The following ULK1 variants were observed in gnomAD, a reference collection of about 807,000 sequenced individuals.
ULK1 encodes unc-51 like autophagy activating kinase 1.
In ULK1, 48 loss-of-function variants were observed where a neutral mutation model predicts 117.5. That is an observed-to-expected ratio of 0.41 (90% CI 0.32 to 0.52). ULK1 has a LOEUF of 0.52. Ranked by LOEUF, ULK1 falls within the 20% of genes least tolerant of loss-of-function variation. ULK1 has a pLI of 0.29. For synonymous variants in ULK1, 790 were observed against 637.8 expected, an observed-to-expected ratio of 1.24 and a Z score of -3.60; for missense variants, 1,387 against 1,473.4, an observed-to-expected ratio of 0.94 and a Z score of 0.96.
Position 131,922,964 on chromosome 12 carries a change from CT to C in ULK1, c.*1605del, listed in dbSNP as rs941896304. On this transcript the variant is annotated 3_prime_UTR_variant, in exon 28 of 28. Coordinates refer to ENST00000321867, the MANE Select transcript of ULK1 (RefSeq NM_003565.4). ...CTTGCCCGGTGTCCTGGTCCTCTTG[CT>C]TCCGTCGCGGCCGCATGTGCGTGTG... 6.6e-6 allele frequency: 1 copy of C among 152,342 alleles called. No homozygotes were observed. The highest frequency in any genetic ancestry group is 2.4e-5 in the African/African-American group (1 of 41,456). 9.4% of individuals were successfully genotyped at this position (152,342 alleles called of 1,614,324 possible).
chr12:131,922,355 G>GCC lies in ULK1; in HGVS notation c.*996_*997dup, dbSNP rs1890186187. The GCC allele has an allele frequency of 3.6e-6, 1 of 277,684 alleles. No individual in the cohort carries two copies. Among genetic ancestry groups the GCC allele is most frequent in the South Asian group, 3.1e-5 (1 of 32,006 alleles). The allele number at this position is 277,684 out of a possible 1,614,324, so 17.2% of individuals were successfully genotyped here. ...TGTGGCAGCAGCAGGACAGGTGTGT[G>GCC]CCCAGCACCCTCCCTACCTGGGCCT... On this transcript the variant is annotated 3_prime_UTR_variant, in exon 28 of 28. Transcript: ENST00000321867.
intron 3 of ULK1, chr12:131,897,249 T>C (rs1344013640): frequency 1.3e-5 from 2 of 152,222 alleles, no homozygotes; most frequent in Non-Finnish European, 2.9e-5. Context: ...GGTAAGGCAA[T>C]GTTTGAGGCA....
In ULK1 at chr12:131,919,150, A is replaced by G. The variant is rs555960190; in HGVS notation, c.2512-62A>G. 693 of 1,525,792 alleles carry G rather than the reference A, an allele frequency of 4.5e-4. 2 individuals carry two copies. In the African/African-American group the frequency reaches 7.6e-3, roughly 17 times the overall value. 94.5% of individuals were successfully genotyped at this position (1,525,792 alleles called of 1,614,324 possible). ...CCCAAGGCGTCATCGGTGAGTCTGAAGGGAGACAAGCCCCTTCCAAGCCCG... is the reference window on the plus strand; with the variant it reads ...CCCAAGGCGTCATCGGTGAGTCTGAGGGGAGACAAGCCCCTTCCAAGCCCG... On this transcript the variant is annotated intron_variant, in intron 23 of 27. Coordinates refer to ENST00000321867, the MANE Select transcript of ULK1 (RefSeq NM_003565.4).
Position 131,903,349 on chromosome 12 carries a change from A to G in ULK1, c.247-3543A>G, listed in dbSNP as rs2136383784. Among the ~76,000 whole-genome samples the G allele has an allele frequency of 6.6e-6, 1 of 152,320 alleles. No homozygotes were observed. The highest frequency in any genetic ancestry group is 1.9e-4 in the East Asian group (1 of 5,180). Reference sequence around the variant, plus strand: ...CATTGGCACTGGGCAGAGTGAGGACAGGACTCCAGCCCACCTGCTTGGGCT... The same window carrying G: ...CATTGGCACTGGGCAGAGTGAGGACGGGACTCCAGCCCACCTGCTTGGGCT... On this transcript the variant is annotated intron_variant, in intron 3 of 27. Coordinates refer to ENST00000321867, the MANE Select transcript of ULK1 (RefSeq NM_003565.4). The surrounding 1 kb of genome is among the most constrained non-coding windows in gnomAD (Gnocchi z 6.0).
At chr12:131,908,347 C>A (rs1028918031) in intron 5 of ULK1, among the ~76,000 whole-genome samples, 2 of 152,138 alleles carry the variant, frequency 1.3e-5, no homozygotes, top group African/African-American at 2.4e-5. Flanking sequence ...GGAGCGGGAC[C>A]CGGGCGGAAC....
chr12:131,919,574 G>C lies in ULK1; in HGVS notation c.2787G>C (p.Ser929=). ...DQIRAGKLCL[S]STVKQVVRRL... ...TCCGGGCCGGCAAGCTCTGCCTGTC[G>C]TCCACTGTGAAGCAGGGTGAGGGCT... The change falls in exon 25 of 28, where the codon TCG becomes TCC. Residue 929 remains serine (S), a synonymous_variant. Transcript: ENST00000321867. 1.2e-6 allele frequency: 2 copies of C among 1,611,896 alleles called. No homozygotes were observed. Among genetic ancestry groups the C allele is most frequent in the Non-Finnish European group, 1.7e-6 (2 of 1,179,604 alleles).
At chr12:131,912,132 G>A (rs777833317) in intron 13 of ULK1, 43 bp downstream of exon 13, 2 of 1,583,186 alleles carry the variant, frequency 1.3e-6, no homozygotes, top group Non-Finnish European at 1.7e-6. Flanking sequence ...CTCAGGTGCG[G>A]CGGGGACAGT....
At position 131,922,504 on chromosome 12, in the gene ULK1, G is replaced by A. The variant is rs1890193210; in HGVS notation, c.*1143G>A. On this transcript the variant is annotated 3_prime_UTR_variant, in exon 28 of 28. Transcript: ENST00000321867. ...GCAGGGTAGGCCTGATGACAGCCCT[G>A]TCCCTCCCTGCCTCTGCCTTGCCCA... 6.2e-6 allele frequency: 1 copy of A among 160,978 alleles called. No homozygotes were observed. The highest frequency in any genetic ancestry group is 6.1e-5 in the Admixed American group (1 of 16,284). The allele number at this position is 160,978 out of a possible 1,614,324, so 10.0% of individuals were successfully genotyped here. A position where few individuals can be genotyped will look rare whatever the true frequency, so the allele number is the denominator to read the frequency against.
chr12:131,897,644 G>T (rs562843514), intron 3 of ULK1: 1 of 151,846 alleles, frequency 6.6e-6, no homozygotes, highest in Non-Finnish European at 1.5e-5. Context: ...TTTACCCCTC[G>T]GCCAGGCACA....
At chr12:131,908,871 G>T (rs771055804) in intron 6 of ULK1, 27 bp from the exon 7 acceptor site, 1 of 1,608,170 alleles carries the variant, frequency 6.2e-7, no homozygotes, top group Non-Finnish European at 8.5e-7. Context: ...CGGGGCCGGC[G>T]CCGGTCCTGA....
Position 131,921,297 on chromosome 12 carries a change from C to T in ULK1, c.3098-9C>T, listed in dbSNP as rs774074074. ...GGCGTCTCCCTCACACTCCCCTCTC[C>T]CTCCACAGGCAAGCTGTGCATTGAG... On this transcript the variant is annotated splice_polypyrimidine_tract_variant and intron_variant, in intron 27 of 27. Transcript: ENST00000321867. 4 of 1,608,150 alleles carry T rather than the reference C, an allele frequency of 2.5e-6. No individual in the cohort carries two copies. Among genetic ancestry groups the T allele is most frequent in the African/African-American group, 2.7e-5 (2 of 75,056 alleles).
At chr12:131,909,414 G>C (rs1793331566) in intron 8 of ULK1, among the ~76,000 whole-genome samples, 177 bp downstream of exon 8, 1 of 152,180 alleles carries the variant, frequency 6.6e-6, no homozygotes, top group Non-Finnish European at 1.5e-5. Context: ...CCCCAGGGAG[G>C]GCGGCGCCGC....
In ULK1 at chr12:131,909,212, G is replaced by C; in HGVS notation, c.641G>C (p.Cys214Ser). The change falls in exon 8 of 28, where the codon TGC (cysteine) becomes TCC (serine). Residue 214 changes from cysteine to serine, a missense_variant. Around this residue, in one of 4 missense-constraint regions of ULK1, gnomAD observed 224 missense variants for 325.2 expected, o/e 0.69. Transcript: ENST00000321867. ...AGCATCGGCACCATCGTCTACCAGT[G>C]CCTGACGGGGAAGGCGCCCTTCCAG... ...LWSIGTIVYQ[C>S]LTGKAPFQAS... The C allele has an allele frequency of 1.2e-6, 2 of 1,607,066 alleles. No homozygotes were observed. The highest frequency in any genetic ancestry group is 1.7e-6 in the Non-Finnish European group (2 of 1,177,332).
At position 131,919,606 on chromosome 12, in the gene ULK1, G is replaced by T; in HGVS notation, c.2803+16G>T. 1 of 1,607,054 alleles carries T rather than the reference G, an allele frequency of 6.2e-7. No homozygotes were observed. The highest frequency in any genetic ancestry group is 8.5e-7 in the Non-Finnish European group (1 of 1,177,026). Reference sequence around the variant, plus strand: ...GTGAAGCAGGGTGAGGGCTGCGACCGCTCAGCCCACATGCCGGGTTGGGGA... The same window carrying T: ...GTGAAGCAGGGTGAGGGCTGCGACCTCTCAGCCCACATGCCGGGTTGGGGA... On this transcript the variant is annotated intron_variant, in intron 25 of 27. Coordinates refer to ENST00000321867, the MANE Select transcript of ULK1 (RefSeq NM_003565.4).
chr12:131,899,282 G>A (rs139108590), intron 3 of ULK1, among the ~76,000 whole-genome samples: 3,881 of 143,886 alleles, frequency 0.027, 140 homozygotes, highest in African/African-American at 0.089. Flanking sequence ...TCCGCCTCCC[G>A]GGTTCAAGCG....
chr12:131,898,508 CT>C (rs961263969), intron 3 of ULK1, among the ~76,000 whole-genome samples: 13 of 148,968 alleles, frequency 8.7e-5, no homozygotes, highest in East Asian at 2.0e-4. Context: ...TTTTGCTTTT[CT>C]TTTTTTTTTG....
intron 10 of ULK1, 82 bp downstream of exon 10, chr12:131,910,083 C>T (rs571898300): frequency 6.3e-7 from 1 of 1,575,194 alleles, no homozygotes; most frequent in Non-Finnish European, 8.7e-7. Flanking sequence ...CCACCGGCTT[C>T]ACACCCAGCC....
chr12:131,908,527 G>C, intron 5 of ULK1, 117 bp from the exon 6 acceptor site: 1 of 1,284,424 alleles, frequency 7.8e-7, no homozygotes, highest in South Asian at 1.7e-5. Context: ...GTTTCCTCCC[G>C]GCCTGCGGCC....
intron 5 of ULK1, among the ~76,000 whole-genome samples, chr12:131,908,130 G>C (rs953033021): frequency 6.6e-6 from 1 of 152,136 alleles, no homozygotes; most frequent in Admixed American, 6.5e-5. Flanking sequence ...GCTCAGACCC[G>C]CGTCGCCCTC....
Sources: allele counts gnomAD v4.1 joint callset (sites outside exome capture counted in the v4.1 genomes callset), GRCh38; gene constraint gnomAD v4.1.1; regional missense constraint gnomAD v4.1.1; non-coding constraint Gnocchi (gnomAD v3.1); transcripts MANE v1.5; gene names NCBI Gene and HGNC (gene_info 2026-07-23, HGNC 2026-07-21).